The following GPC6 variants were observed in gnomAD, a reference collection of about 807,000 sequenced individuals.
The protein encoded by GPC6 is glypican-6.
In GPC6, 14 loss-of-function variants were observed where a neutral mutation model predicts 55.2. That is an observed-to-expected ratio of 0.25 (90% CI 0.17 to 0.40). GPC6 has a LOEUF of 0.40. Among genes scored for constraint, GPC6 ranks in the 10% least tolerant of loss-of-function variants. The pLI is 1.00. For synonymous variants in GPC6, 278 were observed against 259.6 expected (o/e 1.07, Z -0.68); for missense variants, 641 against 708.5 (o/e 0.90, Z 1.08).
intron 4 of GPC6, among the ~76,000 whole-genome samples, chr13:94,195,020 AG>A (rs1889525490): frequency 6.6e-6 from 1 of 152,204 alleles, no homozygotes; most frequent in Non-Finnish European, 1.5e-5. Flanking sequence ...TCTAGAAACA[AG>A]GCCTTTGGAA....
intron 1 of GPC6, among the ~76,000 whole-genome samples, chr13:93,302,771 G>A (rs935779516): frequency 6.6e-6 from 1 of 152,160 alleles, no homozygotes; most frequent in African/African-American, 2.4e-5. Context: ...TCAAGGCATA[G>A]CATTTGGTGA....
At chr13:94,299,724 G>A (rs1208233074) in intron 5 of GPC6, among the ~76,000 whole-genome samples, 1 of 152,158 alleles carries the variant, frequency 6.6e-6, no homozygotes, top group Non-Finnish European at 1.5e-5. Flanking sequence ...ATAAATTTCT[G>A]TTGTTTATAA....
chr13:93,993,454 C>T (rs893988434), intron 3 of GPC6, among the ~76,000 whole-genome samples: 1 of 151,850 alleles, frequency 6.6e-6, no homozygotes, highest in African/African-American at 2.4e-5. Flanking sequence ...CCACCACACC[C>T]CGGTAATTTT....
chr13:93,285,734 C>G (rs761035690), intron 1 of GPC6, among the ~76,000 whole-genome samples: 1 of 149,826 alleles, frequency 6.7e-6, no homozygotes, highest in African/African-American at 2.5e-5. Flanking sequence ...AAATAGTTAG[C>G]AAAACTCAGG....
intron 2 of GPC6, among the ~76,000 whole-genome samples, chr13:93,734,914 G>A (rs1883944647): frequency 6.6e-6 from 1 of 151,952 alleles, no homozygotes; most frequent in Non-Finnish European, 1.5e-5. Context: ...AATAAATAAA[G>A]TACTAAATTA....
chr13:94,370,421 C>T (rs55914615), intron 6 of GPC6, among the ~76,000 whole-genome samples: 1,679 of 152,338 alleles, frequency 0.011, 23 homozygotes, highest in African/African-American at 0.038. Context: ...GGCAGTGCTA[C>T]AAACCCTTCA....
intron 1 of GPC6, among the ~76,000 whole-genome samples, chr13:93,343,926 T>C (rs1361480127): frequency 6.6e-6 from 1 of 152,200 alleles, no homozygotes; most frequent in Non-Finnish European, 1.5e-5. Context: ...CTTTGGATAT[T>C]TCACTTCTAA....
chr13:93,703,337 A>G (rs1882738574), intron 2 of GPC6, among the ~76,000 whole-genome samples: 1 of 151,914 alleles, frequency 6.6e-6, no homozygotes, highest in Non-Finnish European at 1.5e-5. Context: ...TGTTAATATC[A>G]GAGGTTACTG....
chr13:94,142,450 T>A (rs951143202), intron 4 of GPC6, among the ~76,000 whole-genome samples: 1 of 152,194 alleles, frequency 6.6e-6, no homozygotes, highest in Non-Finnish European at 1.5e-5. Flanking sequence ...TTCTGAAAAG[T>A]GTGATTAAAA....
intron 6 of GPC6, among the ~76,000 whole-genome samples, chr13:94,374,550 G>T (rs1400606403): frequency 2.8e-5 from 4 of 141,852 alleles, no homozygotes; most frequent in African/African-American, 8.1e-5. Flanking sequence ...GGAGCACCAA[G>T]ATTCATAAAG....
intron 4 of GPC6, among the ~76,000 whole-genome samples, chr13:94,260,751 A>G (rs1891633347): frequency 6.6e-6 from 1 of 152,062 alleles, no homozygotes; most frequent in South Asian, 2.1e-4. Flanking sequence ...CAGCAATCTA[A>G]ATGATTGACT....
intron 4 of GPC6, among the ~76,000 whole-genome samples, chr13:94,224,886 T>C (rs1447853516): frequency 6.6e-6 from 1 of 152,158 alleles, no homozygotes. Flanking sequence ...AGCTATTGCT[T>C]TGATTGTGCT....
chr13:93,672,131 A>G (rs1404393705), intron 2 of GPC6, among the ~76,000 whole-genome samples: 3 of 141,676 alleles, frequency 2.1e-5, no homozygotes, highest in Non-Finnish European at 4.6e-5. Context: ...CATTTATATG[A>G]TAGAATTAAG....
chr13:93,394,265 C>T (rs192772146), intron 1 of GPC6, among the ~76,000 whole-genome samples: 32 of 152,308 alleles, frequency 2.1e-4, no homozygotes, highest in African/African-American at 7.0e-4. Flanking sequence ...TTTACTTGCA[C>T]GCCTTCCACA....
chr13:93,359,087 C>A (rs889187620), intron 1 of GPC6, among the ~76,000 whole-genome samples: 2 of 151,514 alleles, frequency 1.3e-5, no homozygotes, highest in Non-Finnish European at 2.9e-5. Flanking sequence ...CCACCTCAGC[C>A]TCCCAGGTAG....
intron 4 of GPC6, among the ~76,000 whole-genome samples, chr13:94,076,967 T>G (rs1018683029): frequency 3.4e-5 from 5 of 146,872 alleles, no homozygotes; most frequent in Admixed American, 6.7e-5. Context: ...TCTGTTTTTT[T>G]TTTTTTTTTT....
chr13:93,480,252 A>G (rs928071992), intron 1 of GPC6, among the ~76,000 whole-genome samples: 2 of 152,182 alleles, frequency 1.3e-5, no homozygotes, highest in Non-Finnish European at 2.9e-5. Flanking sequence ...TTCTCAATGC[A>G]TTGTAGAAAA....
At chr13:93,823,072 C>T (rs1272740686) in intron 2 of GPC6, among the ~76,000 whole-genome samples, 5 of 151,728 alleles carry the variant, frequency 3.3e-5, no homozygotes, top group Non-Finnish European at 7.4e-5. Flanking sequence ...ACCGTGTTAG[C>T]CAGGACGGTC....
intron 6 of GPC6, among the ~76,000 whole-genome samples, chr13:94,325,461 T>TA (rs1877068427): frequency 6.6e-6 from 1 of 152,246 alleles, no homozygotes; most frequent in Non-Finnish European, 1.5e-5. Flanking sequence ...CAAAGACTGC[T>TA]GATCATGGGA....
Sources: allele counts gnomAD v4.1 joint callset (sites outside exome capture counted in the v4.1 genomes callset), GRCh38; gene constraint gnomAD v4.1.1; transcripts MANE v1.5; gene names NCBI Gene and HGNC (gene_info 2026-07-23, HGNC 2026-07-21).